ZFPM1: variants seen among roughly 807,000 people sequenced by gnomAD.
ZFPM1 encodes zinc finger protein ZFPM1.
In ZFPM1, 28 loss-of-function variants were observed where a neutral mutation model predicts 46.3. The ratio of observed to expected loss-of-function variants is 0.60; its 90% confidence interval spans 0.45 to 0.83. ZFPM1 has a LOEUF of 0.83. ZFPM1 is among the 40% of genes least tolerant of loss of function. The probability of loss-of-function intolerance (pLI) is 0.00; values close to 1 mark genes in which losing one functional copy is unlikely to be tolerated. For synonymous variants in ZFPM1, 957 were observed against 675.9 expected, an observed-to-expected ratio of 1.42 and a Z score of -6.45; for missense variants, 1,878 against 1,432.4, an observed-to-expected ratio of 1.31 and a Z score of -5.02.
At chr16:88,490,943 T>C (rs896314673) in intron 3 of ZFPM1, among the ~76,000 whole-genome samples, 3 of 151,852 alleles carry the variant, frequency 2.0e-5, no homozygotes, top group African/African-American at 7.3e-5. Flanking sequence ...CTGCGTCCCT[T>C]CTCCTCAGGG....
chr16:88,482,614 G>C (rs1908999501), intron 1 of ZFPM1, among the ~76,000 whole-genome samples: 1 of 152,260 alleles, frequency 6.6e-6, no homozygotes, highest in East Asian at 1.9e-4. Flanking sequence ...GCTGCAGCAG[G>C]TATGCACAGG....
At chr16:88,498,791 G>A (rs1910086353) in intron 3 of ZFPM1, among the ~76,000 whole-genome samples, 1 of 152,240 alleles carries the variant, frequency 6.6e-6, no homozygotes, top group Admixed American at 6.5e-5. Flanking sequence ...GCAGAGGGTG[G>A]TTATCTTGGA....
rs115136126 is a variant in ZFPM1, at chr16:88,531,718, C to T, written c.713-284C>T. ...ACTTCTTCCTTCTGCCCCCATGAGG[C>T]CAAAGCATCTCCTTATGGGGCTCAC... On this transcript the variant is annotated intron_variant, in intron 6 of 9. Coordinates refer to ENST00000319555, the MANE Select transcript of ZFPM1 (RefSeq NM_153813.3). 8.9e-3 allele frequency among the ~76,000 whole-genome samples: 1,348 copies of T among 152,310 alleles called. 29 individuals carry two copies. The highest frequency in any genetic ancestry group is 0.031 in the African/African-American group (1,293 of 41,572).
intron 7 of ZFPM1, 23 bp from the exon 8 acceptor site, chr16:88,532,591 C>T: frequency 6.4e-7 from 1 of 1,550,656 alleles, no homozygotes; most frequent in Admixed American, 2.0e-5. Context: ...CCGGGCACCG[C>T]TCTTACGCGC....
rs1165317870 is a variant in ZFPM1, at chr16:88,497,759, C to A, written c.268+8606C>A. 6.6e-6 allele frequency among the ~76,000 whole-genome samples: 1 copy of A among 152,168 alleles called. No homozygotes were observed. Among genetic ancestry groups the A allele is most frequent in the African/African-American group, 2.4e-5 (1 of 41,434 alleles). The stretch of plus-strand genomic sequence containing the variant: ...CCTGAGGCCCACGAAGGGTCCCCCG[C>A]CCCAGGGTCCCGACAGGGCCCGCCC... On this transcript the variant is annotated intron_variant, in intron 3 of 9. Transcript: ENST00000319555. The surrounding 1 kb of genome is among the most constrained non-coding windows in gnomAD (Gnocchi z 5.4).
intron 3 of ZFPM1, among the ~76,000 whole-genome samples, chr16:88,492,693 C>T (rs556483520): frequency 1.3e-5 from 2 of 152,198 alleles, no homozygotes; most frequent in East Asian, 1.9e-4. Flanking sequence ...ACGGTGTTAG[C>T]CCGGCGGAGA....
intron 6 of ZFPM1, chr16:88,530,473 C>T (rs1912703179): frequency 6.6e-6 from 1 of 152,202 alleles, no homozygotes. Flanking sequence ...CTGCGGCTGC[C>T]AGGGCACGGC....
At chr16:88,527,667 G>A (rs775371627) in intron 5 of ZFPM1, among the ~76,000 whole-genome samples, 7 of 151,934 alleles carry the variant, frequency 4.6e-5, no homozygotes, top group African/African-American at 9.7e-5. Context: ...GCCCTTGGAC[G>A]GTTTCCTGGA....
chr16:88,525,352 C>G (rs1238262558), intron 4 of ZFPM1, among the ~76,000 whole-genome samples: 8 of 152,236 alleles, frequency 5.3e-5, no homozygotes, highest in African/African-American at 1.9e-4. Context: ...ACCAGCCCGA[C>G]CCCTTGTACC....
intron 1 of ZFPM1, among the ~76,000 whole-genome samples, chr16:88,458,121 A>G (rs1200955494): frequency 1.3e-5 from 2 of 152,178 alleles, no homozygotes; most frequent in Non-Finnish European, 2.9e-5. Context: ...CAAGCAAGTG[A>G]TGGAGCTAGA....
intron 1 of ZFPM1, among the ~76,000 whole-genome samples, chr16:88,481,672 C>T (rs1163030248): frequency 6.6e-6 from 1 of 152,052 alleles, no homozygotes; most frequent in South Asian, 2.1e-4. Flanking sequence ...CTCCATGCAC[C>T]CTGTCCCCCT....
rs576279491 is a variant in ZFPM1, at chr16:88,511,913, G to A, written c.269-2474G>A. Among the ~76,000 whole-genome samples, 71 of 152,286 alleles carry A rather than the reference G, an allele frequency of 4.7e-4. No homozygotes were observed. In the South Asian group the frequency reaches 6.2e-3, roughly 13 times the overall value. Reference sequence around the variant, plus strand: ...CTGGTCCAGGGAGATGGGTTGTCATGGTGACCATTGCCCTGGTCCCCAGCC... The same window carrying A: ...CTGGTCCAGGGAGATGGGTTGTCATAGTGACCATTGCCCTGGTCCCCAGCC... On this transcript the variant is annotated intron_variant, in intron 3 of 9. Coordinates refer to ENST00000319555, the MANE Select transcript of ZFPM1 (RefSeq NM_153813.3).
At chr16:88,483,712 C>T (rs1017065820) in intron 1 of ZFPM1, among the ~76,000 whole-genome samples, 1 of 152,224 alleles carries the variant, frequency 6.6e-6, no homozygotes, top group Non-Finnish European at 1.5e-5. Flanking sequence ...CCCCTGCATC[C>T]TGGAACGGCA....
rs780256606 is a variant in ZFPM1 at position 88,469,899 on chromosome 16, G to A, written c.41-16040G>A. ...CTCACGTGGTGAGGGTCAGAGGTGC[G>A]TGCCCAGCCCAGAGGATCTCCCCAC... On this transcript the variant is annotated intron_variant, in intron 1 of 9. Coordinates refer to ENST00000319555, the MANE Select transcript of ZFPM1 (RefSeq NM_153813.3). The surrounding 1 kb of genome is among the most constrained non-coding windows in gnomAD (Gnocchi z 4.3). Among the ~76,000 whole-genome samples the A allele has an allele frequency of 7.9e-5, 12 of 152,018 alleles. No individual in the cohort carries two copies. Among genetic ancestry groups the A allele is most frequent in the Non-Finnish European group, 1.0e-4 (7 of 68,004 alleles).
At chr16:88,514,032 G>T (rs553504673) in intron 3 of ZFPM1, among the ~76,000 whole-genome samples, 1 of 152,176 alleles carries the variant, frequency 6.6e-6, no homozygotes, top group African/African-American at 2.4e-5. Flanking sequence ...TCTTTTGGGG[G>T]CCCCCAGTCA....
intron 3 of ZFPM1, among the ~76,000 whole-genome samples, chr16:88,504,602 C>A (rs1910550181): frequency 6.6e-6 from 1 of 152,198 alleles, no homozygotes; most frequent in South Asian, 2.1e-4. Flanking sequence ...AGAAAGAGCA[C>A]CTCGCTGGGC....
At position 88,532,684 on chromosome 16, in the gene ZFPM1, C is replaced by G. The variant is rs1165718020; in HGVS notation, c.1017C>G (p.Leu339=). The change falls in exon 8 of 10, where the codon CTC becomes CTG. Residue 339 remains leucine (L), a synonymous_variant. Coordinates refer to ENST00000319555, the MANE Select transcript of ZFPM1 (RefSeq NM_153813.3). ...FTTKANCERH[L]KVHTDTLSGV... is the part of the protein sequence containing the mutation. The stretch of plus-strand genomic sequence containing the variant: ...CCAAGGCCAACTGCGAGCGGCACCT[C>G]AAGGTGCACACGGACACGCTGAGCG... 6.2e-7 allele frequency: 1 copy of G among 1,608,762 alleles called. No individual in the cohort carries two copies. The highest frequency in any genetic ancestry group is 1.3e-5 in the African/African-American group (1 of 74,828).
At chr16:88,510,179 C>T (rs923009207) in intron 3 of ZFPM1, among the ~76,000 whole-genome samples, 15 of 152,174 alleles carry the variant, frequency 9.9e-5, no homozygotes, top group Admixed American at 8.5e-4. Flanking sequence ...TATGGGTAAA[C>T]TGAGGCTCAG....
chr16:88,474,607 C>G (rs1908589055), intron 1 of ZFPM1, among the ~76,000 whole-genome samples: 3 of 152,208 alleles, frequency 2.0e-5, no homozygotes, highest in Non-Finnish European at 4.4e-5. Flanking sequence ...CTTCAGCGCT[C>G]TCTGCCCGGA....
Sources: allele counts gnomAD v4.1 joint callset (sites outside exome capture counted in the v4.1 genomes callset), GRCh38; gene constraint gnomAD v4.1.1; non-coding constraint Gnocchi (gnomAD v3.1); transcripts MANE v1.5; gene names NCBI Gene and HGNC (gene_info 2026-07-23, HGNC 2026-07-21).